The following DISP1 variants were observed in gnomAD, a reference collection of about 807,000 sequenced individuals.
DISP1 encodes protein dispatched homolog 1.
In DISP1, 30 loss-of-function variants were observed where a neutral mutation model predicts 37.3. The ratio of observed to expected loss-of-function variants is 0.80; its 90% confidence interval spans 0.60 to 1.09. The LOEUF is 1.09. Among genes scored for constraint, DISP1 ranks in the 50% least tolerant of loss-of-function variants. The probability of loss-of-function intolerance (pLI) is 0.00; values close to 1 mark genes in which losing one functional copy is unlikely to be tolerated. For synonymous variants in DISP1, 634 were observed against 690.2 expected (o/e 0.92, Z 1.28); for missense variants, 1,598 against 1,879.5 (o/e 0.85, Z 2.77).
At chr1:222,910,912 G>A (rs1288731754) in intron 1 of DISP1, among the ~76,000 whole-genome samples, 1 of 152,164 alleles carries the variant, frequency 6.6e-6, no homozygotes, top group Non-Finnish European at 1.5e-5. Context: ...TGACTGGGGA[G>A]GTTATTTTGA....
chr1:222,979,955 C>A, intron 3 of DISP1: 3 of 152,768 alleles, frequency 2.0e-5, no homozygotes, highest in South Asian at 2.0e-4. Flanking sequence ...GTTGTTTTCA[C>A]GAAAAGAAAA....
At chr1:222,881,605 C>A (rs781417032) in intron 1 of DISP1, among the ~76,000 whole-genome samples, 10 of 152,170 alleles carry the variant, frequency 6.6e-5, no homozygotes, top group African/African-American at 9.7e-5. Flanking sequence ...TCCTTCAGTT[C>A]TCTTTACATT....
At chr1:222,844,429 T>C (rs1307010904) in intron 1 of DISP1, among the ~76,000 whole-genome samples, 1 of 152,174 alleles carries the variant, frequency 6.6e-6, no homozygotes, top group Non-Finnish European at 1.5e-5. Context: ...TCAAGTATTA[T>C]CTATATCAGT....
At chr1:222,833,991 A>C (rs1389999016) in intron 1 of DISP1, among the ~76,000 whole-genome samples, 1 of 152,196 alleles carries the variant, frequency 6.6e-6, no homozygotes, top group East Asian at 1.9e-4. Flanking sequence ...TCCTTGGTAC[A>C]TGGTGAGTCT....
At chr1:222,948,692 A>G (rs1006957450) in intron 3 of DISP1, among the ~76,000 whole-genome samples, 4 of 152,230 alleles carry the variant, frequency 2.6e-5, no homozygotes, top group African/African-American at 7.2e-5. Flanking sequence ...ATGTTATTCA[A>G]TTAATGTTTA....
intron 3 of DISP1, among the ~76,000 whole-genome samples, chr1:222,960,263 G>A (rs1233779385): frequency 6.6e-6 from 1 of 151,776 alleles, no homozygotes; most frequent in East Asian, 1.9e-4. Flanking sequence ...AACTGAAATT[G>A]TAACAGTCTG....
chr1:222,868,284 A>G (rs1244408788), intron 1 of DISP1, among the ~76,000 whole-genome samples: 1 of 152,130 alleles, frequency 6.6e-6, no homozygotes, highest in African/African-American at 2.4e-5. Flanking sequence ...CAGAAGTGAA[A>G]AAGGCAAGTT....
chr1:222,983,522 C>T (rs1013939060), intron 4 of DISP1, among the ~76,000 whole-genome samples: 20 of 152,008 alleles, frequency 1.3e-4, no homozygotes, highest in African/African-American at 4.8e-4. Flanking sequence ...GAGGCTGAGG[C>T]AGGAGAATCG....
chr1:222,978,880 C>A (rs891743350), intron 3 of DISP1, among the ~76,000 whole-genome samples: 3 of 152,070 alleles, frequency 2.0e-5, no homozygotes, highest in African/African-American at 4.8e-5. Context: ...ATTGGTCTAT[C>A]TCTCTGTTTT....
At chr1:222,823,847 G>C (rs1663598147) in intron 1 of DISP1, 1 of 142,466 alleles carries the variant, frequency 7.0e-6, no homozygotes, top group African/African-American at 2.6e-5. Context: ...TTTTTTTTCG[G>C]ACTCCTAGTA....
At chr1:222,833,603 A>G (rs1373304692) in intron 1 of DISP1, among the ~76,000 whole-genome samples, 1 of 152,120 alleles carries the variant, frequency 6.6e-6, no homozygotes, top group Non-Finnish European at 1.5e-5. Context: ...TAGATTTTAC[A>G]TCCCTTTAAT....
rs556243947 is a variant in DISP1 at position 222,892,198 on chromosome 1, G to A, written c.-158-36232G>A. ...CTTCACGTTTAGCAGTCAAGGCAGA[G>A]GTTACTGATTAAATTCATGGACATC... On this transcript the variant is annotated intron_variant, in intron 1 of 8. Transcript: ENST00000675850. 3.2e-4 allele frequency among the ~76,000 whole-genome samples: 48 copies of A among 152,250 alleles called. 1 individual carries two copies. In the South Asian group the frequency reaches 1.0e-2, roughly 32 times the overall value.
At chr1:222,817,526 G>T (rs1661547723) in intron 1 of DISP1, among the ~76,000 whole-genome samples, 1 of 152,170 alleles carries the variant, frequency 6.6e-6, no homozygotes, top group Non-Finnish European at 1.5e-5. Flanking sequence ...CCACTTGATA[G>T]AATCAAGAAT....
At chr1:222,920,022 A>G (rs1320776968) in intron 1 of DISP1, among the ~76,000 whole-genome samples, 1 of 152,174 alleles carries the variant, frequency 6.6e-6, no homozygotes, top group Non-Finnish European at 1.5e-5. Context: ...GGTGATATTT[A>G]TATTCCTACG....
At chr1:222,902,694 GA>G (rs1671665563) in intron 1 of DISP1, among the ~76,000 whole-genome samples, 2 of 152,176 alleles carry the variant, frequency 1.3e-5, no homozygotes, top group African/African-American at 4.8e-5. Context: ...AAAAACACAT[GA>G]AAAAATGCTC....
intron 1 of DISP1, among the ~76,000 whole-genome samples, chr1:222,833,651 C>T (rs1666314496): frequency 6.6e-6 from 1 of 152,106 alleles, no homozygotes; most frequent in Non-Finnish European, 1.5e-5. Context: ...CCATGACTGT[C>T]TAAAACTGTG....
chr1:222,931,078 C>T (rs1435305018), intron 2 of DISP1, among the ~76,000 whole-genome samples: 2 of 151,884 alleles, frequency 1.3e-5, no homozygotes, highest in Non-Finnish European at 2.9e-5. Context: ...GTATTAGATA[C>T]TAAACATTTG....
At chr1:222,887,898 G>T (rs1670721867) in intron 1 of DISP1, among the ~76,000 whole-genome samples, 1 of 152,186 alleles carries the variant, frequency 6.6e-6, no homozygotes, top group Non-Finnish European at 1.5e-5. Context: ...AGGTATAGAG[G>T]TCACAATAGC....
rs770309454 is a variant in DISP1, at chr1:222,943,343, C to T, written c.509+11C>T. On this transcript the variant is annotated intron_variant, in intron 3 of 8. Coordinates refer to ENST00000675850, the MANE Select transcript of DISP1 (RefSeq NM_001377229.1). Reference sequence around the variant, plus strand: ...CATAGCCAACATAAGGTAAGTGATCCGAAAGTTTTGCTTTTAGCATTCAAC... The same window carrying T: ...CATAGCCAACATAAGGTAAGTGATCTGAAAGTTTTGCTTTTAGCATTCAAC... 1.2e-5 allele frequency: 20 copies of T among 1,614,052 alleles called. No homozygotes were observed. The highest frequency in any genetic ancestry group is 2.2e-5 in the East Asian group (1 of 44,904).
Sources: allele counts gnomAD v4.1 joint callset (sites outside exome capture counted in the v4.1 genomes callset), GRCh38; gene constraint gnomAD v4.1.1; transcripts MANE v1.5; gene names NCBI Gene and HGNC (gene_info 2026-07-23, HGNC 2026-07-21).